Variants in TNFRSF8 observed in about 807,000 individuals in gnomAD.
The protein encoded by TNFRSF8 is tumor necrosis factor receptor superfamily member 8.
In TNFRSF8, 26 loss-of-function variants were observed where a neutral mutation model predicts 70.8. The ratio of observed to expected loss-of-function variants is 0.37; its 90% CI spans 0.27 to 0.51. The LOEUF (loss-of-function observed/expected upper bound fraction) is 0.51. Among genes scored for constraint, TNFRSF8 ranks in the 20% least tolerant of loss-of-function variants. TNFRSF8 has a pLI of 0.94. For missense variants in TNFRSF8, 720 were observed against 807.9 expected, an observed-to-expected ratio of 0.89 and a Z score of 1.32; for synonymous variants, 356 against 339.2, an observed-to-expected ratio of 1.05 and a Z score of -0.54.
At position 12,091,010 on chromosome 1, in the gene TNFRSF8, C is replaced by T. The variant is rs571430333; in HGVS notation, c.152-6091C>T. ...GCCTTTATAAAAGGAAATTAGGACA[C>T]AGATATACACAGAGACAAGACTGTG... On this transcript the variant is annotated intron_variant, in intron 2 of 14. Transcript: ENST00000263932. Among the ~76,000 whole-genome samples the T allele has an allele frequency of 7.9e-5, 12 of 152,288 alleles. No individual in the cohort carries two copies. The East Asian group carries it at 2.3e-3, about 29-fold the overall frequency.
At chr1:12,128,833 C>CTTTTTTT (rs60878706) in intron 12 of TNFRSF8, among the ~76,000 whole-genome samples, 105 of 111,764 alleles carry the variant, frequency 9.4e-4, no homozygotes, top group African/African-American at 1.2e-3. Flanking sequence ...GTCTAAAATT[C>CTTTTTTT]TTTTTTTTTT....
chr1:12,066,642 C>T (rs145711488), intron 1 of TNFRSF8, among the ~76,000 whole-genome samples: 2,013 of 151,190 alleles, frequency 0.013, 43 homozygotes, highest in African/African-American at 0.047. Flanking sequence ...CGTGAGCCAC[C>T]GCCCCCGGCC....
At chr1:12,083,230 C>A (rs1641096272) in intron 1 of TNFRSF8, among the ~76,000 whole-genome samples, 1 of 152,230 alleles carries the variant, frequency 6.6e-6, no homozygotes, top group Admixed American at 6.5e-5. Flanking sequence ...AGTACGACTA[C>A]TTTAGAAGCC....
At chr1:12,132,972 G>A (rs541650553) in intron 12 of TNFRSF8, among the ~76,000 whole-genome samples, 1 of 152,126 alleles carries the variant, frequency 6.6e-6, no homozygotes, top group Non-Finnish European at 1.5e-5. Flanking sequence ...GAGGACAGAG[G>A]CTCGGAGAAG....
chr1:12,101,820 C>T (rs1003993895), intron 3 of TNFRSF8, among the ~76,000 whole-genome samples: 9 of 152,046 alleles, frequency 5.9e-5, no homozygotes, highest in African/African-American at 1.4e-4. Flanking sequence ...TACAGGCATG[C>T]GCCACCATGC....
intron 1 of TNFRSF8, among the ~76,000 whole-genome samples, chr1:12,074,555 C>T (rs1640903609): frequency 6.6e-6 from 1 of 152,188 alleles, no homozygotes; most frequent in Non-Finnish European, 1.5e-5. Flanking sequence ...GCTGGGATTA[C>T]AGGCATGAGC....
intron 12 of TNFRSF8, among the ~76,000 whole-genome samples, chr1:12,131,470 C>G (rs947351695): frequency 6.6e-6 from 1 of 151,012 alleles, no homozygotes; most frequent in African/African-American, 2.4e-5. Flanking sequence ...AACAAACAAA[C>G]AAAAAAACAT....
At chr1:12,133,937 C>G (rs1197062389) in intron 12 of TNFRSF8, among the ~76,000 whole-genome samples, 1 of 151,940 alleles carries the variant, frequency 6.6e-6, no homozygotes, top group Non-Finnish European at 1.5e-5. Flanking sequence ...TCGGTAATCC[C>G]AGCTACTTGT....
chr1:12,080,211 A>C, intron 1 of TNFRSF8: 1 of 501,950 alleles, frequency 2.0e-6, no homozygotes, highest in South Asian at 1.5e-5. Flanking sequence ...AGCCTCCCAG[A>C]GTGCTGAGAT....
At chr1:12,067,108 T>A (rs1393233254) in intron 1 of TNFRSF8, among the ~76,000 whole-genome samples, 1 of 152,210 alleles carries the variant, frequency 6.6e-6, no homozygotes, top group African/African-American at 2.4e-5. Flanking sequence ...TGTTTTTTTG[T>A]AATATGACCC....
chr1:12,099,312 T>A (rs1641380535), intron 3 of TNFRSF8, among the ~76,000 whole-genome samples: 1 of 152,034 alleles, frequency 6.6e-6, no homozygotes, highest in African/African-American at 2.4e-5. Flanking sequence ...GCCTGGCTAA[T>A]TTTTGTATTT....
chr1:12,069,456 AG>A (rs1475669456), intron 1 of TNFRSF8, among the ~76,000 whole-genome samples: 1 of 152,114 alleles, frequency 6.6e-6, no homozygotes, highest in East Asian at 1.9e-4. Context: ...CTGGGAATAC[AG>A]GGGTGAGCCA....
intron 1 of TNFRSF8, among the ~76,000 whole-genome samples, chr1:12,074,710 A>G (rs1640907328): frequency 6.6e-6 from 1 of 152,238 alleles, no homozygotes. Context: ...GTAAGTAACC[A>G]CATCAAAGGT....
chr1:12,136,287 C>T (rs1169273951), intron 13 of TNFRSF8, among the ~76,000 whole-genome samples: 1 of 152,152 alleles, frequency 6.6e-6, no homozygotes, highest in Non-Finnish European at 1.5e-5. Flanking sequence ...AGGTATTCAA[C>T]AATTTGTAAG....
rs200000230 is a variant in TNFRSF8, at chr1:12,138,362, C to T, written c.1469C>T (p.Pro490Leu). The change falls in exon 14 of 15, where the codon CCG becomes CTG. Residue 490 changes from proline (P) to leucine (L), a missense_variant. Physicochemically the swap from Pro to Leu is moderately conservative, Grantham distance 98. Coordinates refer to ENST00000263932, the MANE Select transcript of TNFRSF8 (RefSeq NM_001243.5). The surrounding 1 kb of genome is among the most constrained non-coding windows in gnomAD (Gnocchi z 5.7). ...LESLPLQDAS[P>L]AGGPSSPRDL... The stretch of plus-strand genomic sequence containing the variant: ...AGCCTGCCGCTGCAGGATGCCAGCC[C>T]GGCCGGGGGCCCCTCGTCCCCCAGG... 4.7e-5 allele frequency: 76 copies of T among 1,613,656 alleles called. No homozygotes were observed. In the Middle Eastern group the frequency reaches 5.0e-4, roughly 11 times the overall value.
intron 11 of TNFRSF8, 63 bp from the exon 12 acceptor site, chr1:12,126,120 T>C: frequency 6.2e-7 from 1 of 1,613,434 alleles, no homozygotes; most frequent in South Asian, 1.1e-5. Context: ...CCTGGGTTCT[T>C]TCCCTGCCTG....
chr1:12,063,520 C>T lies in TNFRSF8; in HGVS notation c.-79C>T. 8.0e-7 allele frequency: 1 copy of T among 1,248,626 alleles called. No homozygotes were observed. Among genetic ancestry groups the T allele is most frequent in the Non-Finnish European group, 1.0e-6 (1 of 980,708 alleles). 77.3% of individuals were successfully genotyped at this position (1,248,626 alleles called of 1,614,324 possible). A position where few individuals can be genotyped will look rare whatever the true frequency, so the allele number is the denominator to read the frequency against. ...CGCGCGCGGCTGAGAACCGCCGGGA[C>T]CGCACGTGGGCGCCGCGCGCTTCCC... On this transcript the variant is annotated 5_prime_UTR_variant, in exon 1 of 15. Coordinates refer to ENST00000263932, the MANE Select transcript of TNFRSF8 (RefSeq NM_001243.5). This position sits in a 1 kb window ranked among gnomAD's most constrained non-coding sequence, Gnocchi z 7.2.
rs566714503 is a variant in TNFRSF8, at chr1:12,071,346, C to T, written c.63+7685C>T. ...CCCAGCTACTCGCGAGGTTGAAGCA[C>T]GAGAATTGCTTGAACCTGGGAGGCA... On this transcript the variant is annotated intron_variant, in intron 1 of 14. Transcript: ENST00000263932. Among the ~76,000 whole-genome samples, 11 of 152,130 alleles carry T rather than the reference C, an allele frequency of 7.2e-5. No individual in the cohort carries two copies. In the East Asian group the frequency reaches 1.2e-3, roughly 16 times the overall value.
At chr1:12,131,692 C>T (rs565545927) in intron 12 of TNFRSF8, among the ~76,000 whole-genome samples, 1 of 151,678 alleles carries the variant, frequency 6.6e-6, no homozygotes, top group East Asian at 2.0e-4. Context: ...CCAGGTCTCC[C>T]TTTGTTGTGC....
Sources: gnomAD v4.1 joint callset for allele counts (sites outside exome capture counted in the v4.1 genomes callset) on GRCh38, gnomAD v4.1.1 for gene constraint, Gnocchi (gnomAD v3.1) non-coding constraint, MANE v1.5 for transcripts, NCBI Gene and HGNC (gene_info 2026-07-23, HGNC 2026-07-21) for gene names.